Variants in NT5C3A observed in about 807,000 individuals in gnomAD.
NT5C3A encodes 5'-nucleotidase, cytosolic IIIA.
Under a neutral mutation model 40.0 loss-of-function variants are expected in NT5C3A, and 23 were observed. The observed-to-expected ratio is 0.58, with a 90% CI of 0.41 to 0.81. The LOEUF (loss-of-function observed/expected upper bound fraction) is 0.81. Ranked by LOEUF, NT5C3A falls within the 40% of genes least tolerant of loss-of-function variation. The probability of loss-of-function intolerance (pLI) is 0.00; values close to 1 mark genes in which losing one functional copy is unlikely to be tolerated. For missense variants in NT5C3A, 328 were observed against 403.0 expected, an observed-to-expected ratio of 0.81 and a Z score of 1.59; for synonymous variants, 130 against 141.4, an observed-to-expected ratio of 0.92 and a Z score of 0.57.
chr7:33,017,182 CAAA>C (rs11286607), intron 7 of NT5C3A: 8,807 of 312,560 alleles, frequency 0.028, no homozygotes, highest in East Asian at 0.044. Flanking sequence ...GACTCCATCT[CAAA>C]AAAAAAAAAA....
At chr7:33,041,251 T>G (rs753137822) in intron 1 of NT5C3A, 24 of 414,352 alleles carry the variant, frequency 5.8e-5, no homozygotes, top group Non-Finnish European at 7.5e-5. Context: ...TATGTGAACT[T>G]TTCTGTATAT....
intron 1 of NT5C3A, chr7:33,040,975 G>C: frequency 1.0e-6 from 1 of 985,414 alleles, no homozygotes; most frequent in Non-Finnish European, 1.2e-6. Context: ...CAAAAGCCTT[G>C]ACTAAGCCCT....
At chr7:33,020,323 C>A (rs1785557467) in intron 5 of NT5C3A, among the ~76,000 whole-genome samples, 1 of 152,140 alleles carries the variant, frequency 6.6e-6, no homozygotes, top group Admixed American at 6.6e-5. Context: ...AACTCTTCAT[C>A]TGATACCTAA....
At chr7:33,061,943 G>A (rs1203206341) in intron 1 of NT5C3A, among the ~76,000 whole-genome samples, 1 of 152,096 alleles carries the variant, frequency 6.6e-6, no homozygotes, top group Non-Finnish European at 1.5e-5. Context: ...ATGTATACAA[G>A]AGCTTTGGGA....
intron 6 of NT5C3A, among the ~76,000 whole-genome samples, chr7:33,018,317 T>C (rs1056371798): frequency 2.0e-4 from 30 of 152,304 alleles, no homozygotes; most frequent in African/African-American, 7.0e-4. Flanking sequence ...CTGGCATGTG[T>C]CTTTACTAAG....
rs76288295 is a variant in NT5C3A at position 33,038,498 on chromosome 7, C to CT, written c.139-11584dup. On this transcript the variant is annotated intron_variant, in intron 1 of 8. Transcript: ENST00000610140. ...GAAATTTGATGGCCAACTTTAGGAC[C>CT]TTTTTTTTTTTTTTGGTAAGTATAC... Among the ~76,000 whole-genome samples the CT allele has an allele frequency of 7.7e-3, 1,076 of 139,420 alleles. 8 individuals are homozygous for CT. Among genetic ancestry groups the CT allele is most frequent in the African/African-American group, 0.023 (871 of 38,418 alleles). The allele number at this position is 139,420 out of a possible 152,430, so 91.5% of individuals were successfully genotyped here.
chr7:33,042,508 G>A (rs1786970534), intron 1 of NT5C3A, among the ~76,000 whole-genome samples: 1 of 152,002 alleles, frequency 6.6e-6, no homozygotes. Context: ...GAAGACTCAA[G>A]GGCCACAAAG....
At chr7:33,018,010 T>A (rs762778664) in intron 6 of NT5C3A, among the ~76,000 whole-genome samples, 7 of 152,178 alleles carry the variant, frequency 4.6e-5, no homozygotes, top group Non-Finnish European at 7.3e-5. Context: ...CGAGACCCTG[T>A]CTCTAAAATG....
chr7:33,027,014 T>A, intron 1 of NT5C3A, 99 bp from the exon 2 acceptor site: 1 of 729,534 alleles, frequency 1.4e-6, no homozygotes, highest in South Asian at 1.6e-5. Context: ...GACATAAAAA[T>A]ATTAAGGCAT....
In NT5C3A at chr7:33,016,015, T is replaced by C. The variant is rs1022552365; in HGVS notation, c.694-145A>G. The C allele has an allele frequency of 1.8e-4, 117 of 656,738 alleles. 1 individual carries two copies. The highest frequency in any genetic ancestry group is 7.5e-5 in the Admixed American group (3 of 39,792). The allele number at this position is 656,738 out of a possible 1,614,324, so 40.7% of individuals were successfully genotyped here. On this transcript the variant is annotated intron_variant, in intron 7 of 8. Coordinates refer to ENST00000610140, the MANE Select transcript of NT5C3A (RefSeq NM_001002010.5). Reference sequence around the variant, plus strand: ...TACTAGAGATCTCAAAGCACTTAAGTCCATCACATTCACCATAGCTAAGAA... The same window carrying C: ...TACTAGAGATCTCAAAGCACTTAAGCCCATCACATTCACCATAGCTAAGAA...
chr7:33,022,061 T>C lies in NT5C3A; in HGVS notation c.346A>G (p.Arg116Gly). 6.5e-7 allele frequency: 1 copy of C among 1,530,390 alleles called. No individual in the cohort carries two copies. The highest frequency in any genetic ancestry group is 9.1e-7 in the Non-Finnish European group (1 of 1,104,770). 94.8% of individuals were successfully genotyped at this position (1,530,390 alleles called of 1,614,324 possible). A position where few individuals can be genotyped will look rare whatever the true frequency, so the allele number is the denominator to read the frequency against. The change falls in exon 4 of 9, where the codon AGA becomes GGA. Residue 116 changes from arginine (R) to glycine (G), a missense_variant. Arg to Gly is a moderately radical substitution (Grantham distance 125). Transcript: ENST00000610140. ...DNCKLVTDEC[R>G]KKLLQLKEKY... ...TTGTTGTTAGTGTTTACCTTTTTTC[T>C]ACATTCATCTGTAACCAGCTTACAG...
intron 1 of NT5C3A, among the ~76,000 whole-genome samples, chr7:33,058,597 C>T (rs1787659606): frequency 1.3e-5 from 2 of 152,188 alleles, no homozygotes; most frequent in Admixed American, 6.5e-5. Context: ...ATGATCCACC[C>T]GCCTTGGCCT....
Position 33,032,151 on chromosome 7 carries a change from C to A in NT5C3A, c.139-5236G>T, listed in dbSNP as rs143922883. ...AAAACAAACAAAAAAAGGCCAGGCA[C>A]AGTGGCTCATGCCTCTAATACCAGC... On this transcript the variant is annotated intron_variant, in intron 1 of 8. Coordinates refer to ENST00000610140, the MANE Select transcript of NT5C3A (RefSeq NM_001002010.5). 3.2e-3 allele frequency among the ~76,000 whole-genome samples: 489 copies of A among 151,964 alleles called. 1 individual carries two copies. Among genetic ancestry groups the A allele is most frequent in the African/African-American group, 0.012 (477 of 41,458 alleles).
At chr7:33,055,895 G>C (rs562610869) in intron 1 of NT5C3A, among the ~76,000 whole-genome samples, 24 of 152,182 alleles carry the variant, frequency 1.6e-4, no homozygotes, top group Non-Finnish European at 3.1e-4. Flanking sequence ...AAGATTGCTT[G>C]AGCCCAGGAT....
intron 1 of NT5C3A, chr7:33,041,039 T>G: frequency 1.6e-5 from 16 of 985,478 alleles, no homozygotes; most frequent in Non-Finnish European, 1.9e-5. Flanking sequence ...TGCTCTTGGT[T>G]ACAGCCTCGC....
chr7:33,021,827 AAT>A (rs1785643624), intron 4 of NT5C3A: 1 of 521,096 alleles, frequency 1.9e-6, no homozygotes, highest in East Asian at 3.2e-5. Context: ...AAGAGTTTTA[AAT>A]ATAAGTTTTG....
chr7:33,035,828 A>G (rs147006381), intron 1 of NT5C3A: 1 of 854,408 alleles, frequency 1.2e-6, no homozygotes, highest in African/African-American at 1.7e-5. Flanking sequence ...CTGTGAAGAA[A>G]GAGTTGTATA....
At chr7:33,015,535 CCTCGGTAACAGAGGCTT>C in intron 8 of NT5C3A, 118 bp downstream of exon 8, 1 of 638,890 alleles carries the variant, frequency 1.6e-6, no homozygotes, top group Non-Finnish European at 2.8e-6. Context: ...TACACTCTAG[CCTCGGTAACAGAGGCTT>C]GTCTCAAAAA....
At chr7:33,059,999 T>A (rs139975100) in intron 1 of NT5C3A, among the ~76,000 whole-genome samples, 80 of 152,340 alleles carry the variant, frequency 5.3e-4, no homozygotes, top group African/African-American at 1.9e-3. Flanking sequence ...TCACCCAAGC[T>A]TGAGTGCAAT....
Sources: allele counts gnomAD v4.1 joint callset (sites outside exome capture counted in the v4.1 genomes callset), GRCh38; gene constraint gnomAD v4.1.1; transcripts MANE v1.5; gene names NCBI Gene and HGNC (gene_info 2026-07-23, HGNC 2026-07-21).